The following PANK4 variants were observed in gnomAD, a reference collection of about 807,000 sequenced individuals.
PANK4 encodes the protein pantothenate kinase 4 (inactive).
A neutral mutation model predicts 87.9 loss-of-function variants in PANK4; 40 were observed. The ratio of observed to expected loss-of-function variants is 0.46; its 90% CI spans 0.35 to 0.59. PANK4 has a LOEUF of 0.59. Ranked by LOEUF, PANK4 falls within the 20% of genes least tolerant of loss-of-function variation. The pLI is 0.00. For synonymous variants in PANK4, 524 were observed against 467.4 expected, an observed-to-expected ratio of 1.12 and a Z score of -1.56; for missense variants, 926 against 1,072.3, an observed-to-expected ratio of 0.86 and a Z score of 1.90.
Position 2,509,807 on chromosome 1 carries a change from GCA to G in PANK4, c.2108+53_2108+54del, listed in dbSNP as rs1266006144. 1 of 1,503,662 alleles carries G rather than the reference GCA, an allele frequency of 6.7e-7. No homozygotes were observed. Among genetic ancestry groups the G allele is most frequent in the Middle Eastern group, 2.3e-4 (1 of 4,288 alleles). 93.1% of individuals were successfully genotyped at this position (1,503,662 alleles called of 1,614,324 possible). On this transcript the variant is annotated intron_variant, in intron 18 of 18. Coordinates refer to ENST00000378466, the MANE Select transcript of PANK4 (RefSeq NM_018216.4). This position sits in a 1 kb window ranked among gnomAD's most constrained non-coding sequence, Gnocchi z 4.9. ...GCATGCACCTGGGTGCAGGTGCACG[GCA>G]CAGAGGGCACAGAGCCCAGGAGGGA...
chr1:2,516,113 T>C (rs1643769488), intron 9 of PANK4, among the ~76,000 whole-genome samples: 1 of 152,022 alleles, frequency 6.6e-6, no homozygotes, highest in African/African-American at 2.4e-5. Flanking sequence ...TTTCACCTCC[T>C]CCCGTGACCC....
chr1:2,512,647 G>A (rs953875914), intron 13 of PANK4: 8 of 546,704 alleles, frequency 1.5e-5, no homozygotes, highest in South Asian at 4.9e-5. Flanking sequence ...AGGCCTCTGC[G>A]GCACCCATGC....
intron 9 of PANK4, among the ~76,000 whole-genome samples, chr1:2,517,098 G>A (rs1037073496): frequency 1.3e-5 from 2 of 152,212 alleles, no homozygotes; most frequent in African/African-American, 4.8e-5. Flanking sequence ...TGGCAAATCA[G>A]AAACTGAGGC....
At chr1:2,516,255 A>G (rs1400263215) in intron 9 of PANK4, among the ~76,000 whole-genome samples, 1 of 151,684 alleles carries the variant, frequency 6.6e-6, no homozygotes, top group African/African-American at 2.4e-5. Flanking sequence ...CACGCCCCAC[A>G]TGCACCCTTC....
Position 2,520,804 on chromosome 1 carries a change from A to G in PANK4, c.525T>C (p.Pro175=). ...EAFVYQKDSD[P]EFRFQTNHPH... The stretch of plus-strand genomic sequence containing the variant: ...GGTGGTTGGTCTGGAACCGGAACTC[A>G]GGGTCGGAATCCTTCTGGTACACGA... Residue 175 remains proline (P), a synonymous_variant, in exon 4 of 19, where the codon CCT becomes CCC. Coordinates refer to ENST00000378466, the MANE Select transcript of PANK4 (RefSeq NM_018216.4). The surrounding 1 kb of genome is among the most constrained non-coding windows in gnomAD (Gnocchi z 6.2). 2 of 1,611,974 alleles carry G rather than the reference A, an allele frequency of 1.2e-6. No homozygotes were observed. The highest frequency in any genetic ancestry group is 1.3e-5 in the African/African-American group (1 of 74,954).
chr1:2,517,338 C>T (rs773556369), intron 9 of PANK4, among the ~76,000 whole-genome samples: 14 of 152,246 alleles, frequency 9.2e-5, no homozygotes, highest in South Asian at 2.1e-4. Flanking sequence ...CTCAACAAGT[C>T]GCGGTCTTGA....
At chr1:2,521,005 A>C in intron 3 of PANK4, 96 bp downstream of exon 3, 1 of 1,521,046 alleles carries the variant, frequency 6.6e-7, no homozygotes. Flanking sequence ...CCCCATGCGC[A>C]ATCTGACACA....
chr1:2,516,137 G>A (rs1370423044), intron 9 of PANK4, among the ~76,000 whole-genome samples: 1 of 152,060 alleles, frequency 6.6e-6, no homozygotes, highest in Non-Finnish European at 1.5e-5. Context: ...CAGTCACACT[G>A]TTCCCACCTC....
Position 2,510,844 on chromosome 1 carries a change from C to T in PANK4, c.1834-62G>A. On this transcript the variant is annotated intron_variant, in intron 15 of 18. Transcript: ENST00000378466. The surrounding 1 kb of genome is among the most constrained non-coding windows in gnomAD (Gnocchi z 4.9). Reference sequence around the variant, plus strand: ...GCGCATCCAAGCGAGTCAGTCCGCACCCCTGCTGCCCGTCACGCTGCCCTG... The same window carrying T: ...GCGCATCCAAGCGAGTCAGTCCGCATCCCTGCTGCCCGTCACGCTGCCCTG... The T allele has an allele frequency of 1.0e-6, 1 of 954,438 alleles. No individual in the cohort carries two copies. The highest frequency in any genetic ancestry group is 1.7e-6 in the Non-Finnish European group (1 of 582,910). 59.1% of individuals were successfully genotyped at this position (954,438 alleles called of 1,614,324 possible). A position where few individuals can be genotyped will look rare whatever the true frequency, so the allele number is the denominator to read the frequency against.
chr1:2,524,668 G>C (rs1643905162), intron 1 of PANK4, among the ~76,000 whole-genome samples: 2 of 152,176 alleles, frequency 1.3e-5, no homozygotes, highest in African/African-American at 4.8e-5. Context: ...CTGGCCTCTC[G>C]GGGCCACACA....
intron 2 of PANK4, 109 bp downstream of exon 2, chr1:2,521,609 A>G: frequency 2.2e-6 from 2 of 915,724 alleles, no homozygotes; most frequent in Admixed American, 1.7e-5. Context: ...CTCCCAGGAC[A>G]CTAAAGTCGA....
chr1:2,515,499 A>G lies in PANK4; in HGVS notation c.1374+63T>C. 5 of 1,568,542 alleles carry G rather than the reference A, an allele frequency of 3.2e-6. No homozygotes were observed. The highest frequency in any genetic ancestry group is 4.4e-6 in the Non-Finnish European group (5 of 1,141,166). On this transcript the variant is annotated intron_variant, in intron 10 of 18. Transcript: ENST00000378466. This position sits in a 1 kb window ranked among gnomAD's most constrained non-coding sequence, Gnocchi z 5.0. Reference sequence around the variant, plus strand: ...TTCGCCACCTTGGCTTTGCCCCCGGAGCCTTGGAAGGTTAACCCGGCTGCG... The same window carrying G: ...TTCGCCACCTTGGCTTTGCCCCCGGGGCCTTGGAAGGTTAACCCGGCTGCG...
intron 1 of PANK4, among the ~76,000 whole-genome samples, chr1:2,524,821 G>A (rs1249359674): frequency 1.3e-5 from 2 of 152,240 alleles, no homozygotes; most frequent in Non-Finnish European, 2.9e-5. Flanking sequence ...GAACCTTGCA[G>A]AGCACACGCT....
rs892491843 is a variant in PANK4 at position 2,508,664 on chromosome 1, T to C, written c.*183A>G. The C allele has an allele frequency of 4.8e-5, 26 of 537,976 alleles. No individual in the cohort carries two copies. Among genetic ancestry groups the C allele is most frequent in the Non-Finnish European group, 7.2e-5 (22 of 304,556 alleles). The allele number at this position is 537,976 out of a possible 1,614,324, so 33.3% of individuals were successfully genotyped here. On this transcript the variant is annotated 3_prime_UTR_variant, in exon 19 of 19. Coordinates refer to ENST00000378466, the MANE Select transcript of PANK4 (RefSeq NM_018216.4). This position sits in a 1 kb window ranked among gnomAD's most constrained non-coding sequence, Gnocchi z 5.1. ...TTTAGCAGTTAAATAGATTCCAATATGAACGTCTCCCAGGACAAAGCTGCG... is the reference window on the plus strand; with the variant it reads ...TTTAGCAGTTAAATAGATTCCAATACGAACGTCTCCCAGGACAAAGCTGCG...
rs972034836 is a variant in PANK4, at chr1:2,510,526, C to T, written c.1938+152G>A. The T allele has an allele frequency of 1.2e-5, 8 of 649,176 alleles. No individual in the cohort carries two copies. Among genetic ancestry groups the T allele is most frequent in the South Asian group, 5.4e-5 (3 of 55,506 alleles). The allele number at this position is 649,176 out of a possible 1,614,324, so 40.2% of individuals were successfully genotyped here. ...TCGGAGCCTCCACCCCAGCAGATGA[C>T]GGCTCTGGGCCGCCTCCCCCGTGCT... On this transcript the variant is annotated intron_variant, in intron 16 of 18. Coordinates refer to ENST00000378466, the MANE Select transcript of PANK4 (RefSeq NM_018216.4). The surrounding 1 kb of genome is among the most constrained non-coding windows in gnomAD (Gnocchi z 4.9).
chr1:2,518,617 C>G lies in PANK4; in HGVS notation c.1036-20G>C, dbSNP rs1269232518. On this transcript the variant is annotated intron_variant, in intron 7 of 18. Coordinates refer to ENST00000378466, the MANE Select transcript of PANK4 (RefSeq NM_018216.4). ...TTCCCCCTGCCGTGGCCAAAGCACA[C>G]GTGCTGCTGTTGGCCCCACACAACA... 2 of 1,554,458 alleles carry G rather than the reference C, an allele frequency of 1.3e-6. No individual in the cohort carries two copies. The highest frequency in any genetic ancestry group is 2.7e-5 in the African/African-American group (2 of 73,346).
At chr1:2,518,421 C>T (rs765450372) in intron 8 of PANK4, 95 bp downstream of exon 8, 38 of 1,140,924 alleles carry the variant, frequency 3.3e-5, no homozygotes, top group Non-Finnish European at 4.7e-5. Context: ...ACGCTCCCCA[C>T]CCCACCTCCA....
intron 7 of PANK4, 57 bp from the exon 8 acceptor site, chr1:2,518,654 C>T (rs748757947): frequency 4.0e-5 from 57 of 1,407,876 alleles, no homozygotes; most frequent in African/African-American, 1.4e-4. Flanking sequence ...CCGGTGCCTC[C>T]GCAAACCAGC....
Position 2,520,207 on chromosome 1 carries a change from C to T in PANK4, c.699+115G>A, listed in dbSNP as rs775395574. ...CGCAGAGGCCAGAGACCCACTGACG[C>T]GAGTCAGGAGGGAGGCCCGGAAGCA... On this transcript the variant is annotated intron_variant, in intron 5 of 18. Transcript: ENST00000378466. This position sits in a 1 kb window ranked among gnomAD's most constrained non-coding sequence, Gnocchi z 6.2. 2.4e-4 allele frequency: 242 copies of T among 988,186 alleles called. No homozygotes were observed. Among genetic ancestry groups the T allele is most frequent in the Non-Finnish European group, 3.5e-4 (224 of 635,742 alleles). 61.2% of individuals were successfully genotyped at this position (988,186 alleles called of 1,614,324 possible).
Sources: gnomAD v4.1 joint callset for allele counts (sites outside exome capture counted in the v4.1 genomes callset) on GRCh38, gnomAD v4.1.1 for gene constraint, Gnocchi (gnomAD v3.1) non-coding constraint, MANE v1.5 for transcripts, NCBI Gene and HGNC (gene_info 2026-07-23, HGNC 2026-07-21) for gene names.